The following NAV3 variants were observed in gnomAD, a reference collection of about 807,000 sequenced individuals.
NAV3 encodes the protein neuron navigator 3, also known as pore membrane and/or filament interacting like protein 1.
Under a neutral mutation model 244.7 loss-of-function variants are expected in NAV3, and 87 were observed. The ratio of observed to expected loss-of-function variants is 0.36; its 90% confidence interval spans 0.30 to 0.42. The LOEUF is 0.42. Ranked by LOEUF, NAV3 falls within the 20% of genes least tolerant of loss-of-function variation. The probability of loss-of-function intolerance (pLI) is 1.00; values close to 1 mark genes in which losing one functional copy is unlikely to be tolerated. For synonymous variants in NAV3, 1,126 were observed against 1,042.2 expected, an observed-to-expected ratio of 1.08 and a Z score of -1.55; for missense variants, 2,663 against 2,893.3, an observed-to-expected ratio of 0.92 and a Z score of 1.83.
chr12:77,685,754 C>T (rs1874710794), intron 2 of NAV3, among the ~76,000 whole-genome samples: 1 of 152,122 alleles, frequency 6.6e-6, no homozygotes, highest in Non-Finnish European at 1.5e-5. Flanking sequence ...TTAAACTACC[C>T]TGTGTAGTGT....
chr12:78,137,816 A>T (rs1956438453), intron 19 of NAV3, among the ~76,000 whole-genome samples: 1 of 152,128 alleles, frequency 6.6e-6, no homozygotes, highest in Non-Finnish European at 1.5e-5. Context: ...TAGAATTCAT[A>T]TTGTACCTAC....
At chr12:77,760,656 A>T (rs1012248973) in intron 2 of NAV3, among the ~76,000 whole-genome samples, 9 of 152,222 alleles carry the variant, frequency 5.9e-5, no homozygotes, top group Admixed American at 6.5e-5. Flanking sequence ...ATTATCAGTC[A>T]TATGAGGCTT....
intron 1 of NAV3, among the ~76,000 whole-genome samples, chr12:77,902,272 G>A (rs1011809964): frequency 6.6e-6 from 1 of 152,142 alleles, no homozygotes; most frequent in East Asian, 1.9e-4. Flanking sequence ...TTCCATCAAA[G>A]CAGGGGTTTG....
chr12:77,986,822 G>C (rs1870595917), intron 5 of NAV3, among the ~76,000 whole-genome samples: 1 of 152,054 alleles, frequency 6.6e-6, no homozygotes, highest in Admixed American at 6.6e-5. Flanking sequence ...AACAATAAGG[G>C]CTGTTTGAAT....
At chr12:77,831,930 G>A (rs1286472466) in intron 1 of NAV3, among the ~76,000 whole-genome samples, 2 of 152,122 alleles carry the variant, frequency 1.3e-5, no homozygotes, top group Non-Finnish European at 2.9e-5. Flanking sequence ...TGCATCTATT[G>A]TAATCATTTA....
intron 1 of NAV3, among the ~76,000 whole-genome samples, chr12:77,870,363 C>CAA (rs34447700): frequency 7.6e-4 from 83 of 109,566 alleles, no homozygotes; most frequent in African/African-American, 2.7e-3. Flanking sequence ...GACTCCATCT[C>CAA]AAAAAAAAAA....
At chr12:78,170,251 T>C (rs947879928) in intron 24 of NAV3, among the ~76,000 whole-genome samples, 1 of 151,746 alleles carries the variant, frequency 6.6e-6, no homozygotes, top group African/African-American at 2.4e-5. Flanking sequence ...GCTCTTTGCC[T>C]CAGTAGATAG....
intron 9 of NAV3, among the ~76,000 whole-genome samples, chr12:78,049,503 C>G (rs1005952278): frequency 6.6e-6 from 1 of 152,158 alleles, no homozygotes; most frequent in Admixed American, 6.5e-5. Flanking sequence ...GAGGCAACAC[C>G]CCACCCTGCT....
intron 2 of NAV3, among the ~76,000 whole-genome samples, chr12:77,643,479 G>A (rs1172916637): frequency 3.3e-5 from 5 of 151,542 alleles, no homozygotes; most frequent in Admixed American, 3.3e-4. Flanking sequence ...TACTGTCTTA[G>A]CATCATATCT....
chr12:77,795,524 A>ACTTC (rs1871366434), intron 2 of NAV3, among the ~76,000 whole-genome samples: 1 of 152,082 alleles, frequency 6.6e-6, no homozygotes, highest in Non-Finnish European at 1.5e-5. Context: ...CAGTAAATGA[A>ACTTC]ATTTACTGTA....
At chr12:77,968,475 TTAAA>T (rs967444851) in intron 4 of NAV3, 40 bp from the exon 5 acceptor site, 7 of 1,477,126 alleles carry the variant, frequency 4.7e-6, no homozygotes, top group Middle Eastern at 1.9e-4. Flanking sequence ...AAAAAGGACA[TTAAA>T]TACATATGAT....
At chr12:77,662,306 T>C (rs1208200214) in intron 2 of NAV3, among the ~76,000 whole-genome samples, 1 of 151,944 alleles carries the variant, frequency 6.6e-6, no homozygotes, top group Non-Finnish European at 1.5e-5. Context: ...TCAGCAGTGC[T>C]TTATAATTTT....
At chr12:77,824,445 A>T (rs548210326) in intron 2 of NAV3, among the ~76,000 whole-genome samples, 2 of 152,162 alleles carry the variant, frequency 1.3e-5, no homozygotes, top group South Asian at 4.2e-4. Context: ...TAACCGTGGC[A>T]TGAAAGCAGG....
At chr12:78,135,117 G>T (rs1249199622) in intron 18 of NAV3, among the ~76,000 whole-genome samples, 1 of 152,124 alleles carries the variant, frequency 6.6e-6, no homozygotes, top group Non-Finnish European at 1.5e-5. Flanking sequence ...TTACCAATTT[G>T]TGTTCCATTC....
intron 6 of NAV3, among the ~76,000 whole-genome samples, chr12:77,995,993 C>A (rs1872292191): frequency 6.6e-6 from 1 of 152,098 alleles, no homozygotes; most frequent in Non-Finnish European, 1.5e-5. Flanking sequence ...GCTCTGCCTG[C>A]CTGTCAAATT....
At position 78,205,151 on chromosome 12, in the gene NAV3, T is replaced by C. The variant is rs1264223249; in HGVS notation, c.7038+13T>C. The C allele has an allele frequency of 1.2e-6, 2 of 1,610,138 alleles. No homozygotes were observed. Among genetic ancestry groups the C allele is most frequent in the Non-Finnish European group, 1.7e-6 (2 of 1,177,622 alleles). On this transcript the variant is annotated intron_variant, in intron 39 of 39. Transcript: ENST00000397909. ...AGGAGATCCCCTGGTAAGAATCAGA[T>C]GTTCATTTCTTCCTATGTAATCTTG...
intron 1 of NAV3, among the ~76,000 whole-genome samples, chr12:77,840,937 A>G (rs1875531820): frequency 1.3e-5 from 2 of 152,250 alleles, no homozygotes; most frequent in South Asian, 4.1e-4. Context: ...TAAGAAAACA[A>G]AGAAAATAAT....
At chr12:78,065,221 CTG>C (rs1463035188) in intron 12 of NAV3, among the ~76,000 whole-genome samples, 3 of 151,856 alleles carry the variant, frequency 2.0e-5, no homozygotes, top group African/African-American at 4.8e-5. Flanking sequence ...GGTGAGGTAA[CTG>C]TGGCAAAACT....
rs1172302830 is a variant in NAV3 at position 77,940,560 on chromosome 12, C to A, written c.361+124C>A. Reference sequence around the variant, plus strand: ...GTCTCTGAGATTCATGTAGCTCTCCCCTGATTTAATTAAAATGTTTATATG... The same window carrying A: ...GTCTCTGAGATTCATGTAGCTCTCCACTGATTTAATTAAAATGTTTATATG... On this transcript the variant is annotated intron_variant, in intron 2 of 39. Transcript: ENST00000397909. The A allele has an allele frequency of 4.2e-6, 3 of 709,538 alleles. No homozygotes were observed. The African/African-American group carries it at 5.4e-5, about 13-fold the overall frequency. 44.0% of individuals were successfully genotyped at this position (709,538 alleles called of 1,614,324 possible). A position where few individuals can be genotyped will look rare whatever the true frequency, so the allele number is the denominator to read the frequency against.
Sources: allele counts gnomAD v4.1 joint callset (sites outside exome capture counted in the v4.1 genomes callset), GRCh38; gene constraint gnomAD v4.1.1; transcripts MANE v1.5; gene names NCBI Gene and HGNC (gene_info 2026-07-23, HGNC 2026-07-21).